Variants in SATB1 observed in about 807,000 individuals in gnomAD.
The protein encoded by SATB1 is SATB homeobox 1.
SATB1 carries 11 observed loss-of-function variants against 86.9 expected under a neutral mutation model. That is an observed-to-expected ratio of 0.13 (90% CI 0.08 to 0.21). The LOEUF (loss-of-function observed/expected upper bound fraction) is 0.21, where lower values mean the gene tolerates loss of function less well. SATB1 is among the 10% of genes least tolerant of loss of function. The probability of loss-of-function intolerance (pLI) is 1.00; values close to 1 mark genes in which losing one functional copy is unlikely to be tolerated. For synonymous variants in SATB1, 357 were observed against 357.2 expected, an observed-to-expected ratio of 1.00 and a Z score of 0.01; for missense variants, 551 against 937.6, an observed-to-expected ratio of 0.59 and a Z score of 5.39.
At position 18,425,195 on chromosome 3, in the gene SATB1, T is replaced by G. The variant is rs572223520; in HGVS notation, c.-1593A>C. On this transcript the variant is annotated 5_prime_UTR_variant, in exon 1 of 11. Coordinates refer to ENST00000338745, the MANE Select transcript of SATB1 (RefSeq NM_002971.6). ...CGCTGTGGGTGCCTCTTCTTCCTCCTCCTCATTTTAATACAAAATCACCCC... is the reference window on the plus strand; with the variant it reads ...CGCTGTGGGTGCCTCTTCTTCCTCCGCCTCATTTTAATACAAAATCACCCC... 1.2e-5 allele frequency: 2 copies of G among 168,668 alleles called. No homozygotes were observed. Among genetic ancestry groups the G allele is most frequent in the Admixed American group, 6.4e-5 (1 of 15,626 alleles). The allele number at this position is 168,668 out of a possible 1,614,324, so 10.4% of individuals were successfully genotyped here.
At chr3:18,392,568 C>T (rs1553620901) in intron 7 of SATB1, among the ~76,000 whole-genome samples, 1 of 101,782 alleles carries the variant, frequency 9.8e-6, no homozygotes, top group Non-Finnish European at 2.2e-5. Flanking sequence ...TATATATACA[C>T]ACACATACAC....
chr3:18,397,117 G>A (rs953389540), intron 6 of SATB1, 62 bp downstream of exon 6: 1 of 940,294 alleles, frequency 1.1e-6, no homozygotes, highest in African/African-American at 1.6e-5. Context: ...ATGTGACTTT[G>A]ATAAACCCCC....
intron 8 of SATB1, among the ~76,000 whole-genome samples, chr3:18,380,891 C>A (rs1171676328): frequency 6.6e-6 from 1 of 152,074 alleles, no homozygotes; most frequent in Non-Finnish European, 1.5e-5. Flanking sequence ...TTCTTTAATC[C>A]TGGTTTAGCT....
intron 9 of SATB1, among the ~76,000 whole-genome samples, chr3:18,368,330 T>C (rs373526256): frequency 2.2e-4 from 33 of 151,892 alleles, no homozygotes; most frequent in African/African-American, 7.7e-4. Context: ...GGAAGAAGAG[T>C]TCTAACTAAA....
intron 10 of SATB1, chr3:18,351,510 T>A: frequency 2.5e-6 from 2 of 805,212 alleles, no homozygotes; most frequent in Non-Finnish European, 3.9e-6. Flanking sequence ...CCAAGGACTG[T>A]AAGGCAAGAT....
rs187177913 is a variant in SATB1, at chr3:18,351,809, C to T, written c.1779+183G>A. On this transcript the variant is annotated intron_variant, in intron 10 of 10. Transcript: ENST00000338745. ...GAGATGAGGAAAGAGGAACACGATA[C>T]ATACGCTGGAAAAAGTATGTTAATA... The T allele has an allele frequency of 2.1e-3, 1,308 of 615,186 alleles. 2 individuals carry two copies. The highest frequency in any genetic ancestry group is 3.0e-3 in the Non-Finnish European group (1,048 of 351,642). 38.1% of individuals were successfully genotyped at this position (615,186 alleles called of 1,614,324 possible). A position where few individuals can be genotyped will look rare whatever the true frequency, so the allele number is the denominator to read the frequency against.
intron 9 of SATB1, among the ~76,000 whole-genome samples, chr3:18,357,490 T>G (rs762530263): frequency 4.0e-5 from 6 of 151,676 alleles, no homozygotes; most frequent in Non-Finnish European, 8.8e-5. Flanking sequence ...GTGTTACTTA[T>G]GCTAATGAAG....
intron 9 of SATB1, among the ~76,000 whole-genome samples, chr3:18,367,847 G>A (rs1389827638): frequency 6.6e-6 from 1 of 152,132 alleles, no homozygotes; most frequent in Non-Finnish European, 1.5e-5. Flanking sequence ...TCTTGCAAGT[G>A]AAATCTTTCA....
intron 8 of SATB1, among the ~76,000 whole-genome samples, chr3:18,382,240 A>C (rs62238550): frequency 0.18 from 27,759 of 152,078 alleles, 2,729 homozygotes; most frequent in East Asian, 0.41. Context: ...GTAATTCTTT[A>C]GGTAATTACA....
At chr3:18,367,393 TC>T (rs2125161832) in intron 9 of SATB1, among the ~76,000 whole-genome samples, 1 of 152,284 alleles carries the variant, frequency 6.6e-6, no homozygotes, top group South Asian at 2.1e-4. Context: ...TTAAAAGGAA[TC>T]ACTTTTCCTT....
chr3:18,390,730 G>A (rs906420447), intron 7 of SATB1, among the ~76,000 whole-genome samples: 5 of 151,796 alleles, frequency 3.3e-5, no homozygotes, highest in African/African-American at 1.2e-4. Flanking sequence ...TATTTTACTG[G>A]AAAATAAAGT....
At position 18,345,922 on chromosome 3, in the gene SATB1, T is replaced by C. The variant is rs1694031649; in HGVS notation, c.*3248A>G. 6.6e-6 allele frequency: 1 copy of C among 152,150 alleles called. No homozygotes were observed. The highest frequency in any genetic ancestry group is 2.4e-5 in the African/African-American group (1 of 41,462). The allele number at this position is 152,150 out of a possible 1,614,324, so 9.4% of individuals were successfully genotyped here. ...TAATGGAATGTATGGGATTCTCATT[T>C]TTACTCAATCTTGAATCATCTGAGA... On this transcript the variant is annotated 3_prime_UTR_variant, in exon 11 of 11. Coordinates refer to ENST00000338745, the MANE Select transcript of SATB1 (RefSeq NM_002971.6).
upstream of SATB1, among the ~76,000 whole-genome samples, chr3:18,425,725 G>A (rs1455211351): frequency 6.6e-6 from 1 of 151,778 alleles, no homozygotes; most frequent in African/African-American, 2.4e-5. Flanking sequence ...GCGCAGAGGG[G>A]AGGAGGAGAG....
rs566286148 is a variant in SATB1, at chr3:18,348,043, A to T, written c.*1127T>A. 1.3e-5 allele frequency: 2 copies of T among 152,780 alleles called. No homozygotes were observed. Among genetic ancestry groups the T allele is most frequent in the Admixed American group, 6.5e-5 (1 of 15,310 alleles). 9.5% of individuals were successfully genotyped at this position (152,780 alleles called of 1,614,324 possible). ...TTGTGATACACTTATAAAAACAGCC[A>T]GCTGTAACAAAATAGCTGTTTTCAT... On this transcript the variant is annotated 3_prime_UTR_variant, in exon 11 of 11. Coordinates refer to ENST00000338745, the MANE Select transcript of SATB1 (RefSeq NM_002971.6).
chr3:18,351,129 A>G (rs780386242), intron 10 of SATB1: 27 of 619,538 alleles, frequency 4.4e-5, no homozygotes, highest in Non-Finnish European at 6.1e-5. Context: ...CAGGAGATGA[A>G]TGGTGACAAG....
intron 8 of SATB1, among the ~76,000 whole-genome samples, chr3:18,382,414 A>G (rs1263219693): frequency 6.6e-6 from 1 of 152,210 alleles, no homozygotes; most frequent in African/African-American, 2.4e-5. Context: ...AAAGTCACAC[A>G]CCATAAAATG....
intron 5 of SATB1, among the ~76,000 whole-genome samples, chr3:18,404,215 T>C (rs1697407668): frequency 6.6e-6 from 1 of 152,094 alleles, no homozygotes; most frequent in Non-Finnish European, 1.5e-5. Flanking sequence ...TGACAGCGAA[T>C]GGCAGGATTT....
intron 5 of SATB1, among the ~76,000 whole-genome samples, chr3:18,401,925 C>T (rs1454715201): frequency 1.3e-5 from 2 of 152,120 alleles, no homozygotes; most frequent in Non-Finnish European, 2.9e-5. Context: ...GGCTGAGCTT[C>T]CTTTTCAGCC....
rs138042020 is a variant in SATB1, at chr3:18,410,526, G to A, written c.639+4585C>T. On this transcript the variant is annotated intron_variant, in intron 5 of 10. Coordinates refer to ENST00000338745, the MANE Select transcript of SATB1 (RefSeq NM_002971.6). ...TATCCTACTTAGGGGGACCAAAGGC[G>A]CTCTCGATACATCAAAAGCACTAAA... Among the ~76,000 whole-genome samples the A allele has an allele frequency of 2.4e-3, 358 of 152,006 alleles. 1 individual carries two copies. Among genetic ancestry groups the A allele is most frequent in the African/African-American group, 8.4e-3 (348 of 41,476 alleles).
Sources: gnomAD v4.1 joint callset for allele counts (sites outside exome capture counted in the v4.1 genomes callset) on GRCh38, gnomAD v4.1.1 for gene constraint, MANE v1.5 for transcripts, NCBI Gene and HGNC (gene_info 2026-07-23, HGNC 2026-07-21) for gene names.